Variants in DLGAP2 observed in about 807,000 individuals in gnomAD.
DLGAP2 encodes the protein DLG associated protein 2.
A neutral mutation model predicts 100.3 loss-of-function variants in DLGAP2; 26 were observed. The ratio of observed to expected loss-of-function variants is 0.26; its 90% CI spans 0.19 to 0.36. The LOEUF (loss-of-function observed/expected upper bound fraction) is 0.36. Among genes scored for constraint, DLGAP2 ranks in the 10% least tolerant of loss-of-function variants. The pLI is 1.00. For synonymous variants in DLGAP2, 886 were observed against 630.1 expected (o/e 1.41, Z -6.08); for missense variants, 1,858 against 1,453.2 (o/e 1.28, Z -4.53).
At chr8:1,621,988 G>C (rs1232675084) in intron 6 of DLGAP2, 1 of 152,204 alleles carries the variant, frequency 6.6e-6, no homozygotes, top group Non-Finnish European at 1.5e-5. Context: ...TTTTTACCCT[G>C]AATGTGGAAA....
chr8:788,837 C>G (rs1301174402), intron 1 of DLGAP2, among the ~76,000 whole-genome samples: 1 of 152,180 alleles, frequency 6.6e-6, no homozygotes, highest in Non-Finnish European at 1.5e-5. Context: ...ATCTTTGTGA[C>G]TTTTTCCCAT....
At position 765,123 on chromosome 8, in the gene DLGAP2, G is replaced by A. The variant is rs537026201; in HGVS notation, c.18+27298G>A. Among the ~76,000 whole-genome samples, 7 of 152,280 alleles carry A rather than the reference G, an allele frequency of 4.6e-5. No homozygotes were observed. In the South Asian group the frequency reaches 1.5e-3, roughly 32 times the overall value. ...ATGGGGCAGCTACAGTGGGTGGGGT[G>A]CCCGTCTCCACGCCCAGGTTTCAGG... On this transcript the variant is annotated intron_variant, in intron 1 of 14. Coordinates refer to ENST00000637795, the MANE Select transcript of DLGAP2 (RefSeq NM_001346810.2).
chr8:1,350,258 GCA>G (rs1297543891), intron 3 of DLGAP2, among the ~76,000 whole-genome samples: 4,483 of 66,472 alleles, frequency 0.067, 252 homozygotes, highest in Non-Finnish European at 0.084. Flanking sequence ...CGGGTCCTGA[GCA>G]TGTGTGGAAC....
chr8:1,513,903 C>T (rs372552342), intron 4 of DLGAP2, among the ~76,000 whole-genome samples: 1 of 152,218 alleles, frequency 6.6e-6, no homozygotes, highest in Non-Finnish European at 1.5e-5. Context: ...CTCCTTCATT[C>T]ATCCATCCAT....
At chr8:1,210,731 G>T (rs143305539) in intron 2 of DLGAP2, among the ~76,000 whole-genome samples, 3 of 143,996 alleles carry the variant, frequency 2.1e-5, no homozygotes, top group Non-Finnish European at 4.6e-5. Flanking sequence ...CCCCACCCCC[G>T]GCCCTGGTTC....
At chr8:1,669,881 C>G (rs1798646944) in intron 10 of DLGAP2, 97 bp downstream of exon 10, 3 of 761,164 alleles carry the variant, frequency 3.9e-6, no homozygotes, top group Non-Finnish European at 7.3e-6. Context: ...CGCCTCTGTC[C>G]TGATTCTATG....
At chr8:748,340 T>G (rs1239427124) in intron 1 of DLGAP2, among the ~76,000 whole-genome samples, 1 of 151,928 alleles carries the variant, frequency 6.6e-6, no homozygotes, top group African/African-American at 2.4e-5. Context: ...GCTCTGGTGC[T>G]TTCTGTCTCT....
At chr8:1,391,683 T>A (rs1043562015) in intron 3 of DLGAP2, among the ~76,000 whole-genome samples, 1 of 152,224 alleles carries the variant, frequency 6.6e-6, no homozygotes, top group Non-Finnish European at 1.5e-5. Flanking sequence ...GCAGAGGGCC[T>A]GGCGATGTGT....
chr8:1,026,136 C>T (rs1431641944), intron 2 of DLGAP2, among the ~76,000 whole-genome samples: 5 of 152,172 alleles, frequency 3.3e-5, no homozygotes, highest in East Asian at 1.9e-4. Context: ...GAACATGCTG[C>T]GAGTGGCGTT....
At chr8:849,645 T>C (rs1477160105) in intron 1 of DLGAP2, among the ~76,000 whole-genome samples, 1 of 152,194 alleles carries the variant, frequency 6.6e-6, no homozygotes, top group Non-Finnish European at 1.5e-5. Flanking sequence ...CCAGCCGTCC[T>C]AATAGTGGAG....
rs560406419 is a variant in DLGAP2, at chr8:1,170,516, A to G, written c.74-88335A>G. On this transcript the variant is annotated intron_variant, in intron 2 of 14. Coordinates refer to ENST00000637795, the MANE Select transcript of DLGAP2 (RefSeq NM_001346810.2). ...CGGCTGTGAATCCATCTGGTCCTGG[A>G]CTCTTTTTGGTTGGTAAGCTATTGA... Among the ~76,000 whole-genome samples, 201 of 150,462 alleles carry G rather than the reference A, an allele frequency of 1.3e-3. 2 individuals are homozygous for G. The South Asian group carries it at 0.037, about 27-fold the overall frequency.
intron 3 of DLGAP2, among the ~76,000 whole-genome samples, chr8:1,260,767 T>C (rs1312027099): frequency 2.0e-5 from 3 of 152,216 alleles, no homozygotes; most frequent in South Asian, 2.1e-4. Context: ...GGTCATGGGA[T>C]TGACTCTAGA....
chr8:1,133,560 A>G (rs1240016090), intron 2 of DLGAP2, among the ~76,000 whole-genome samples: 2 of 152,226 alleles, frequency 1.3e-5, no homozygotes, highest in Admixed American at 6.5e-5. Context: ...TGACCAAATT[A>G]TAAAGCTGGT....
intron 3 of DLGAP2, among the ~76,000 whole-genome samples, chr8:1,352,360 C>G (rs906322113): frequency 1.3e-5 from 2 of 151,962 alleles, no homozygotes; most frequent in Non-Finnish European, 2.9e-5. Flanking sequence ...CTGTCCCCAG[C>G]GACTCCCCCT....
At chr8:1,518,967 C>G (rs571309597) in intron 4 of DLGAP2, among the ~76,000 whole-genome samples, 1 of 152,294 alleles carries the variant, frequency 6.6e-6, no homozygotes, top group African/African-American at 2.4e-5. Context: ...AGGGTCCTGT[C>G]CATCCCAGGC....
chr8:1,432,247 T>C (rs973354464), intron 3 of DLGAP2, among the ~76,000 whole-genome samples: 4 of 152,232 alleles, frequency 2.6e-5, no homozygotes, highest in African/African-American at 7.2e-5. Context: ...GATTGCAGCA[T>C]TTAAAAATTC....
At chr8:1,183,840 C>T (rs1037798153) in intron 2 of DLGAP2, among the ~76,000 whole-genome samples, 6 of 152,208 alleles carry the variant, frequency 3.9e-5, no homozygotes, top group Non-Finnish European at 8.8e-5. Context: ...GAACGTACTG[C>T]CTCCATTCAG....
intron 3 of DLGAP2, among the ~76,000 whole-genome samples, chr8:1,408,273 C>T (rs1243973634): frequency 6.6e-6 from 1 of 152,230 alleles, no homozygotes; most frequent in East Asian, 1.9e-4. Context: ...TTTCAGTTTC[C>T]CCTCTTGCTG....
At chr8:1,373,271 C>T (rs758919415) in intron 3 of DLGAP2, among the ~76,000 whole-genome samples, 5 of 151,848 alleles carry the variant, frequency 3.3e-5, no homozygotes, top group Admixed American at 3.3e-4. Flanking sequence ...CCGCCACGCG[C>T]GTGCGGCCCG....
Sources: gnomAD v4.1 joint callset for allele counts (sites outside exome capture counted in the v4.1 genomes callset) on GRCh38, gnomAD v4.1.1 for gene constraint, MANE v1.5 for transcripts, NCBI Gene and HGNC (gene_info 2026-07-23, HGNC 2026-07-21) for gene names.